Variants in MAPK6 observed in about 807,000 individuals in gnomAD.
MAPK6 encodes the protein mitogen-activated protein kinase 6, also known as ERK-3.
A neutral mutation model predicts 59.3 loss-of-function variants in MAPK6; 19 were observed. That is an observed-to-expected ratio of 0.32 (90% CI 0.22 to 0.47). The LOEUF (loss-of-function observed/expected upper bound fraction) is 0.47. Ranked by LOEUF, MAPK6 falls within the 20% of genes least tolerant of loss-of-function variation. MAPK6 has a pLI of 1.00. For synonymous variants in MAPK6, 316 were observed against 290.3 expected (o/e 1.09, Z -0.90); for missense variants, 724 against 847.9 (o/e 0.85, Z 1.81).
chr15:52,051,693 G>A (rs1259086958), intron 3 of MAPK6, among the ~76,000 whole-genome samples: 1 of 151,748 alleles, frequency 6.6e-6, no homozygotes, highest in Non-Finnish European at 1.5e-5. Flanking sequence ...TGCCAACATG[G>A]TGAAACCCTG....
intron 3 of MAPK6, among the ~76,000 whole-genome samples, chr15:52,010,403 C>T (rs1365930112): frequency 2.6e-5 from 4 of 151,138 alleles, no homozygotes; most frequent in Non-Finnish European, 5.9e-5. Context: ...TTAGTAGAGA[C>T]AGGGTTTCTC....
chr15:51,995,927 C>CAA (rs11449755), intron 2 of MAPK6, among the ~76,000 whole-genome samples: 11 of 149,248 alleles, frequency 7.4e-5, no homozygotes, highest in East Asian at 3.9e-4. Flanking sequence ...GATTCCGTTT[C>CAA]AAAAAAAAAG....
At position 51,978,645 on chromosome 15, in the gene MAPK6, G is replaced by A; in HGVS notation, c.-879-4561G>A. The stretch of plus-strand genomic sequence containing the variant: ...CTCAATTTCAGAGATTTTTTGGGGG[G>A]ATTACCTTATAACCCCATTAAAAAA... On this transcript the variant is annotated intron_variant, in intron 1 of 7. Transcript: ENST00000691380. Among the ~76,000 whole-genome samples the A allele has an allele frequency of 1.3e-5, 2 of 151,158 alleles. 1 individual carries two copies. The highest frequency in any genetic ancestry group is 2.9e-5 in the Non-Finnish European group (2 of 67,808).
chr15:52,064,452 C>T lies in MAPK6; in HGVS notation c.1618C>T (p.Gln540Ter). ...TGCAGGAACTATTCAGCTTAGTTCC[C>T]AGCATGAGCCTACTGATGTTGTTGA... is the stretch of plus-strand genomic sequence containing the variant. Reference protein sequence around the residue: ...FIAGTIQLSSQHEPTDVVDKL... With the variant: ...FIAGTIQLSS The change falls in exon 6 of 6, where the codon CAG (glutamine) becomes TAG (stop). Residue 540 changes from glutamine to a stop codon, truncating the protein, a stop_gained. Coordinates refer to ENST00000261845, the MANE Select transcript of MAPK6 (RefSeq NM_002748.4). LOFTEE classifies it high-confidence loss of function. The T allele has an allele frequency of 6.2e-7, 1 of 1,609,968 alleles. No individual in the cohort carries two copies. Among genetic ancestry groups the T allele is most frequent in the African/African-American group, 1.3e-5 (1 of 74,878 alleles).
chr15:52,016,838 G>T (rs2030284698), upstream of MAPK6, among the ~76,000 whole-genome samples: 1 of 152,152 alleles, frequency 6.6e-6, no homozygotes, highest in South Asian at 2.1e-4. Flanking sequence ...CAGGTCAGGA[G>T]ATCGAGACCA....
upstream of MAPK6, among the ~76,000 whole-genome samples, chr15:52,016,333 G>A (rs1384476445): frequency 6.6e-6 from 1 of 151,406 alleles, no homozygotes; most frequent in African/African-American, 2.4e-5. Context: ...AGGTTGCAGT[G>A]AGCCTAGATC....
At chr15:52,062,373 T>A (rs1051587216) in intron 5 of MAPK6, among the ~76,000 whole-genome samples, 1 of 152,194 alleles carries the variant, frequency 6.6e-6, no homozygotes, top group Non-Finnish European at 1.5e-5. Context: ...TTGGGGACAC[T>A]TAACATAGGT....
chr15:52,052,579 C>T (rs369977261), intron 3 of MAPK6, among the ~76,000 whole-genome samples: 1 of 150,790 alleles, frequency 6.6e-6, no homozygotes, highest in African/African-American at 2.4e-5. Flanking sequence ...CTCTTTCCCC[C>T]AGCCCCTGGC....
At chr15:52,049,655 C>A (rs2031713613) in intron 2 of MAPK6, among the ~76,000 whole-genome samples, 1 of 144,856 alleles carries the variant, frequency 6.9e-6, no homozygotes, top group Non-Finnish European at 1.5e-5. Context: ...GCTCTTGTTG[C>A]CCAGGGCGGA....
chr15:52,001,739 C>G (rs1392751730), intron 2 of MAPK6, among the ~76,000 whole-genome samples: 1 of 152,012 alleles, frequency 6.6e-6, no homozygotes, highest in African/African-American at 2.4e-5. Context: ...AAACTCCTGG[C>G]CTTAAATGAT....
chr15:51,998,499 C>T lies in MAPK6; in HGVS notation c.-769-5766C>T, dbSNP rs78601083. Among the ~76,000 whole-genome samples the T allele has an allele frequency of 4.2e-5, 6 of 142,382 alleles. No homozygotes were observed. The East Asian group carries it at 1.3e-3, about 32-fold the overall frequency. The allele number at this position is 142,382 out of a possible 152,430, so 93.4% of individuals were successfully genotyped here. A position where few individuals can be genotyped will look rare whatever the true frequency, so the allele number is the denominator to read the frequency against. ...GGATTACAGGCATGAGCCACCGCAC[C>T]TGGCCTTTTTTTTTTTTTTTCTCCC... is the stretch of plus-strand genomic sequence containing the variant. On this transcript the variant is annotated intron_variant, in intron 2 of 7. Transcript: ENST00000691380.
chr15:52,058,892 C>T (rs2032089878), intron 4 of MAPK6, 95 bp downstream of exon 4: 1 of 1,043,606 alleles, frequency 9.6e-7, no homozygotes, highest in Non-Finnish European at 1.3e-6. Context: ...AGATATGGGG[C>T]TTTCTCCAAA....
intron 5 of MAPK6, 80 bp from the exon 6 acceptor site, chr15:52,063,822 C>T (rs879011408): frequency 7.9e-7 from 1 of 1,261,366 alleles, no homozygotes; most frequent in Non-Finnish European, 1.1e-6. Flanking sequence ...TAGCACAGTG[C>T]TGTCACATAG....
At position 51,976,127 on chromosome 15, in the gene MAPK6, G is replaced by A. The variant is rs557264787; in HGVS notation, c.-880+4221G>A. On this transcript the variant is annotated intron_variant, in intron 1 of 7. Transcript: ENST00000691380. ...TAAAAATATAAAAAATTTGCCGGGC[G>A]TGGTGGCACATGCCTGTAGTCCCAG... is the stretch of plus-strand genomic sequence containing the variant. Among the ~76,000 whole-genome samples the A allele has an allele frequency of 4.0e-5, 6 of 151,156 alleles. No homozygotes were observed. In the East Asian group the frequency reaches 5.8e-4, roughly 15 times the overall value.
chr15:52,056,615 C>G (rs1244782885), intron 3 of MAPK6: 1 of 152,150 alleles, frequency 6.6e-6, no homozygotes, highest in African/African-American at 2.4e-5. Context: ...GCATTTGTTG[C>G]AATTGATCTT....
chr15:52,026,838 T>G (rs2030799267), intron 1 of MAPK6, among the ~76,000 whole-genome samples: 1 of 149,270 alleles, frequency 6.7e-6, no homozygotes, highest in Non-Finnish European at 1.5e-5. Flanking sequence ...GATCACAAAG[T>G]CAGGAGTTCT....
chr15:51,985,905 C>CCGAGAT (rs1007801557), intron 2 of MAPK6, among the ~76,000 whole-genome samples: 44 of 151,680 alleles, frequency 2.9e-4, no homozygotes, highest in African/African-American at 1.0e-3. Flanking sequence ...TTGCAGTGAG[C>CCGAGAT]CGAGATCGCT....
Position 52,064,181 on chromosome 15 carries a change from GTCA to G in MAPK6, c.1355_1357del (p.Ser452del), listed in dbSNP as rs1566916089. 6.8e-6 allele frequency: 11 copies of G among 1,612,892 alleles called. No individual in the cohort carries two copies. Among genetic ancestry groups the G allele is most frequent in the Admixed American group, 1.7e-5 (1 of 60,000 alleles). On this transcript the variant is annotated inframe_deletion, in exon 6 of 6. Transcript: ENST00000261845. ...GCCATACTTGTAACTACAAAACGAGGTCATCATCATATTTAGATAACTTAGTTT... is the reference window on the plus strand; with the variant it reads ...GCCATACTTGTAACTACAAAACGAGGTCATCATATTTAGATAACTTAGTTT...
intron 2 of MAPK6, among the ~76,000 whole-genome samples, chr15:52,002,227 A>G (rs569271504): frequency 6.6e-6 from 1 of 152,274 alleles, no homozygotes; most frequent in East Asian, 1.9e-4. Flanking sequence ...TTTCTGCCAT[A>G]TATTGCTTGA....
Sources: allele counts gnomAD v4.1 joint callset (sites outside exome capture counted in the v4.1 genomes callset), GRCh38; gene constraint gnomAD v4.1.1; transcripts MANE v1.5; gene names NCBI Gene and HGNC (gene_info 2026-07-23, HGNC 2026-07-21).